The following ARL1 variants were observed in gnomAD, a reference collection of about 807,000 sequenced individuals.
ARL1 encodes the protein ADP-ribosylation factor-like protein 1.
ARL1 carries 17 observed loss-of-function variants against 30.1 expected under a neutral mutation model. That is an observed-to-expected ratio of 0.56 (90% CI 0.39 to 0.85). The LOEUF (loss-of-function observed/expected upper bound fraction) is 0.85. ARL1 is among the 40% of genes least tolerant of loss of function. The pLI, the probability that ARL1 is intolerant of heterozygous loss-of-function variation, is 0.00. For missense variants in ARL1, 102 were observed against 212.6 expected (o/e 0.48, Z 3.24); for synonymous variants, 58 against 71.7 (o/e 0.81, Z 0.97).
rs1871103111 is a variant in ARL1, at chr12:101,394,833, T to G, written c.*807A>C. The G allele has an allele frequency of 6.6e-6, 1 of 152,220 alleles. No homozygotes were observed. Among genetic ancestry groups the G allele is most frequent in the Non-Finnish European group, 1.5e-5 (1 of 68,038 alleles). The allele number at this position is 152,220 out of a possible 1,614,324, so 9.4% of individuals were successfully genotyped here. A position where few individuals can be genotyped will look rare whatever the true frequency, so the allele number is the denominator to read the frequency against. Reference sequence around the variant, plus strand: ...TTGTCAATACTGACATTTTTGGGAATATATAGTATAGTTTATGAGTCAAGC... The same window carrying G: ...TTGTCAATACTGACATTTTTGGGAAGATATAGTATAGTTTATGAGTCAAGC... On this transcript the variant is annotated 3_prime_UTR_variant, in exon 6 of 6. Coordinates refer to ENST00000261636, the MANE Select transcript of ARL1 (RefSeq NM_001177.6).
rs11611054 is a variant in ARL1 at position 101,399,286 on chromosome 12, G to A, written c.336+1776C>T. 6.9e-3 allele frequency among the ~76,000 whole-genome samples: 1,055 copies of A among 152,104 alleles called. 8 individuals carry two copies. The highest frequency in any genetic ancestry group is 0.012 in the Non-Finnish European group (847 of 67,996). On this transcript the variant is annotated intron_variant, in intron 4 of 5. Transcript: ENST00000261636. ...CCAAGGCTGGCAGATCAGGAGGCGG[G>A]CAAACTGCTGAGGTCAGGAGTTCGA... is the stretch of plus-strand genomic sequence containing the variant.
At position 101,403,050 on chromosome 12, in the gene ARL1, G is replaced by T. The variant is rs1011436720; in HGVS notation, c.143-104C>A. ...GCAATTAATGGTAACTGTTATTAGA[G>T]TTTAAAATATATATATATATAATTT... is the stretch of plus-strand genomic sequence containing the variant. On this transcript the variant is annotated intron_variant, in intron 2 of 5. Transcript: ENST00000261636. 13 of 564,484 alleles carry T rather than the reference G, an allele frequency of 2.3e-5. 1 individual carries two copies. In the East Asian group the frequency reaches 4.2e-4, roughly 18 times the overall value. 35.0% of individuals were successfully genotyped at this position (564,484 alleles called of 1,614,324 possible). A position where few individuals can be genotyped will look rare whatever the true frequency, so the allele number is the denominator to read the frequency against.
chr12:101,403,073 T>C, intron 2 of ARL1, 127 bp from the exon 3 acceptor site: 1 of 504,334 alleles, frequency 2.0e-6, no homozygotes, highest in Non-Finnish European at 3.5e-6. Flanking sequence ...ATATATATAA[T>C]TTGTCTTAGG....
At chr12:101,396,284 AGCT>A (rs752189207) in intron 5 of ARL1, 112 bp downstream of exon 5, 4 of 1,341,822 alleles carry the variant, frequency 3.0e-6, no homozygotes, top group East Asian at 4.6e-5. Context: ...TTATGAAATA[AGCT>A]GCTAAGTAAA....
intron 1 of ARL1, 199 bp downstream of exon 1, chr12:101,407,443 A>AGAGAGGACGGAGGAGAACGC: frequency 1.6e-6 from 1 of 643,482 alleles, no homozygotes; most frequent in Non-Finnish European, 2.6e-6. Flanking sequence ...AGGGGAACCG[A>AGAGAGGACGGAGGAGAACGC]GAGAGGACGG....
In ARL1 at chr12:101,402,825, A is replaced by T. The variant is rs749963806; in HGVS notation, c.224+40T>A. 6 of 1,409,910 alleles carry T rather than the reference A, an allele frequency of 4.3e-6. No homozygotes were observed. In the South Asian group the frequency reaches 7.5e-5, roughly 18 times the overall value. 87.3% of individuals were successfully genotyped at this position (1,409,910 alleles called of 1,614,324 possible). ...TTTTAACCCTTAAAAGAATCAATAA[A>T]TGTCAAATACTACCAAATAACCTGG... On this transcript the variant is annotated intron_variant, in intron 3 of 5. Coordinates refer to ENST00000261636, the MANE Select transcript of ARL1 (RefSeq NM_001177.6).
chr12:101,401,264 G>C, intron 3 of ARL1, 91 bp from the exon 4 acceptor site: 1 of 780,146 alleles, frequency 1.3e-6, no homozygotes, highest in Non-Finnish European at 2.2e-6. Context: ...ACACATGTTA[G>C]AATCAATGCC....
intron 3 of ARL1, chr12:101,401,566 G>C (rs966897524): frequency 6.9e-6 from 1 of 144,232 alleles, no homozygotes; most frequent in African/African-American, 2.6e-5. Flanking sequence ...AACCAGGAAG[G>C]CAGAGGTTCC....
intron 2 of ARL1, among the ~76,000 whole-genome samples, chr12:101,404,215 C>G (rs959537853): frequency 1.3e-5 from 2 of 152,000 alleles, no homozygotes; most frequent in African/African-American, 4.8e-5. Context: ...ATGTGCAAGA[C>G]AAGAGAATGG....
At chr12:101,403,385 G>C in intron 2 of ARL1, 1 of 264,976 alleles carries the variant, frequency 3.8e-6, no homozygotes, top group South Asian at 3.8e-5. Context: ...TAATAGAGTA[G>C]TTAAAAGTGT....
intron 5 of ARL1, among the ~76,000 whole-genome samples, chr12:101,395,931 G>A (rs1039662441): frequency 6.6e-6 from 1 of 152,156 alleles, no homozygotes; most frequent in Non-Finnish European, 1.5e-5. Flanking sequence ...ATGACTCAGA[G>A]GTGAAACTAG....
In ARL1 at chr12:101,399,501, A is replaced by G. The variant is rs1355596887; in HGVS notation, c.336+1561T>C. On this transcript the variant is annotated intron_variant, in intron 4 of 5. Transcript: ENST00000261636. ...ACTCCAGCCTGGGCGACAGAGCAAG[A>G]CTCTGTCTAAAAAAAAAAAAAAAAA... Among the ~76,000 whole-genome samples, 3 of 131,036 alleles carry G rather than the reference A, an allele frequency of 2.3e-5. No homozygotes were observed. In the East Asian group the frequency reaches 6.5e-4, roughly 28 times the overall value. The allele number at this position is 131,036 out of a possible 152,430, so 86.0% of individuals were successfully genotyped here.
chr12:101,406,091 T>C lies in ARL1; in HGVS notation c.5-110A>G, dbSNP rs555328707. On this transcript the variant is annotated intron_variant, in intron 1 of 5. Transcript: ENST00000261636. ...TAAATACCAAATTAAATATTATAAT[T>C]TCCTGGATGCGTAGGTGCATATTTT... is the stretch of plus-strand genomic sequence containing the variant. The C allele has an allele frequency of 3.5e-6, 3 of 866,384 alleles. No individual in the cohort carries two copies. In the African/African-American group the frequency reaches 5.1e-5, roughly 15 times the overall value. 53.7% of individuals were successfully genotyped at this position (866,384 alleles called of 1,614,324 possible). A position where few individuals can be genotyped will look rare whatever the true frequency, so the allele number is the denominator to read the frequency against.
chr12:101,401,159 CAT>C lies in ARL1; in HGVS notation c.237_238del (p.Cys80LeufsTer16). On this transcript the variant is annotated frameshift_variant, in exon 4 of 6. Transcript: ENST00000261636. LOFTEE classifies it high-confidence loss of function. ...GACTGCATCTGTGTTTGAATAGTAA[CAT>C]CTCCAGTATGGCCTAGAGAAAATTT... is the stretch of plus-strand genomic sequence containing the variant. The C allele has an allele frequency of 6.2e-7, 1 of 1,612,152 alleles. No homozygotes were observed. Among genetic ancestry groups the C allele is most frequent in the Non-Finnish European group, 8.5e-7 (1 of 1,178,642 alleles).
Position 101,396,391 on chromosome 12 carries a change from A to G in ARL1, c.515+8T>C. 6.2e-7 allele frequency: 1 copy of G among 1,614,032 alleles called. No homozygotes were observed. Among genetic ancestry groups the G allele is most frequent in the Non-Finnish European group, 8.5e-7 (1 of 1,179,894 alleles). On this transcript the variant is annotated splice_region_variant and intron_variant, in intron 5 of 5. Transcript: ENST00000261636. ...TGCACAGATGGCTTCTGGAAGCATG[A>G]TACTTGCCATTCCATTGCCTCATCA... is the stretch of plus-strand genomic sequence containing the variant.
At chr12:101,397,792 G>A (rs559401589) in intron 4 of ARL1, among the ~76,000 whole-genome samples, 37 of 152,168 alleles carry the variant, frequency 2.4e-4, no homozygotes, top group East Asian at 7.7e-4. Flanking sequence ...ATAAGCCACC[G>A]CGCCCTGCTG....
At chr12:101,404,510 C>A (rs564896323) in intron 2 of ARL1, among the ~76,000 whole-genome samples, 1 of 152,152 alleles carries the variant, frequency 6.6e-6, no homozygotes, top group Non-Finnish European at 1.5e-5. Context: ...AAACTAAGGG[C>A]ACTAAAATTT....
At position 101,395,304 on chromosome 12, in the gene ARL1, C is replaced by T. The variant is rs1405356547; in HGVS notation, c.*336G>A. 2 of 211,088 alleles carry T rather than the reference C, an allele frequency of 9.5e-6. No individual in the cohort carries two copies. Among genetic ancestry groups the T allele is most frequent in the East Asian group, 2.1e-4 (2 of 9,686 alleles). 13.1% of individuals were successfully genotyped at this position (211,088 alleles called of 1,614,324 possible). A position where few individuals can be genotyped will look rare whatever the true frequency, so the allele number is the denominator to read the frequency against. On this transcript the variant is annotated 3_prime_UTR_variant, in exon 6 of 6. Transcript: ENST00000261636. Reference sequence around the variant, plus strand: ...TTTTAGTATTTATACAAACAAGCTGCAACTACTATTCAAAAATAGGTTTTT... The same window carrying T: ...TTTTAGTATTTATACAAACAAGCTGTAACTACTATTCAAAAATAGGTTTTT...
At chr12:101,406,484 CAAAA>C (rs537505057) in intron 1 of ARL1, among the ~76,000 whole-genome samples, 1 of 152,040 alleles carries the variant, frequency 6.6e-6, no homozygotes. Flanking sequence ...CTATTTTTGA[CAAAA>C]AACCCACTTT....
Sources: gnomAD v4.1 joint callset for allele counts (sites outside exome capture counted in the v4.1 genomes callset) on GRCh38, gnomAD v4.1.1 for gene constraint, MANE v1.5 for transcripts, NCBI Gene and HGNC (gene_info 2026-07-23, HGNC 2026-07-21) for gene names.